Variants in HACD1 observed in about 807,000 individuals in gnomAD.
HACD1 encodes the protein very-long-chain (3R)-3-hydroxyacyl-CoA dehydratase 1.
Under a neutral mutation model 32.0 loss-of-function variants are expected in HACD1, and 41 were observed. The observed-to-expected ratio is 1.28, with a 90% confidence interval of 1.00 to 1.66. The LOEUF (loss-of-function observed/expected upper bound fraction) is 1.66, where lower values mean the gene tolerates loss of function less well. Among genes scored for constraint, HACD1 ranks in the 40% most tolerant of loss-of-function variants. The pLI is 0.00. For synonymous variants in HACD1, 142 were observed against 139.0 expected, an observed-to-expected ratio of 1.02 and a Z score of -0.15; for missense variants, 396 against 380.1, an observed-to-expected ratio of 1.04 and a Z score of -0.35.
At chr10:17,610,041 C>A (rs1429673228) in intron 1 of HACD1, among the ~76,000 whole-genome samples, 1 of 151,426 alleles carries the variant, frequency 6.6e-6, no homozygotes, top group African/African-American at 2.4e-5. Flanking sequence ...TATGACCCAG[C>A]CCCTCCACTC....
In HACD1 at chr10:17,591,976, A is replaced by ATTTTTTTTTTT. The variant is rs71393019; in HGVS notation, c.785-1541_785-1531dup. Among the ~76,000 whole-genome samples, 93 of 96,940 alleles carry ATTTTTTTTTTT rather than the reference A, an allele frequency of 9.6e-4. 14 individuals are homozygous for ATTTTTTTTTTT. Among genetic ancestry groups the ATTTTTTTTTTT allele is most frequent in the African/African-American group, 2.6e-3 (59 of 22,292 alleles). 63.6% of individuals were successfully genotyped at this position (96,940 alleles called of 152,430 possible). A position where few individuals can be genotyped will look rare whatever the true frequency, so the allele number is the denominator to read the frequency against. On this transcript the variant is annotated intron_variant, in intron 6 of 6. Transcript: ENST00000361271. ...CCCTGCCTTAACTCACCAGCTACTG[A>ATTTTTTTTTTT]TTTTTTTTTTTTTTTTTTTTTTTGA... is the stretch of plus-strand genomic sequence containing the variant.
intron 1 of HACD1, among the ~76,000 whole-genome samples, chr10:17,613,140 G>GTTT (rs1833017342): frequency 1.4e-4 from 15 of 108,858 alleles, no homozygotes; most frequent in Admixed American, 5.7e-4. Flanking sequence ...GTGTGTGTGT[G>GTTT]TGTGTGTTTT....
intron 1 of HACD1, among the ~76,000 whole-genome samples, chr10:17,609,783 C>T (rs1283526868): frequency 6.6e-6 from 1 of 151,796 alleles, no homozygotes. Context: ...GAGTTTGAGA[C>T]CAGGCTGGCC....
chr10:17,615,745 T>A (rs1554817944), intron 1 of HACD1: 2 of 381,622 alleles, frequency 5.2e-6, no homozygotes, highest in East Asian at 1.1e-4. Context: ...AGTGGGGGAA[T>A]CATTTGAGGT....
At chr10:17,606,137 G>T (rs782556953) in intron 1 of HACD1, among the ~76,000 whole-genome samples, 2 of 152,148 alleles carry the variant, frequency 1.3e-5, no homozygotes, top group Middle Eastern at 3.4e-3. Context: ...TTGTGCCACT[G>T]CAGTCCAGGC....
chr10:17,596,622 A>C (rs1554816032), intron 5 of HACD1, among the ~76,000 whole-genome samples: 2 of 151,984 alleles, frequency 1.3e-5, no homozygotes, highest in Non-Finnish European at 2.9e-5. Flanking sequence ...CTTTACTTGC[A>C]CTTCAAAAAG....
chr10:17,602,054 G>A (rs560498981), intron 4 of HACD1, among the ~76,000 whole-genome samples: 1 of 150,714 alleles, frequency 6.6e-6, no homozygotes, highest in East Asian at 1.9e-4. Flanking sequence ...CATAGGAAAT[G>A]TTCCTGTCAT....
Position 17,594,265 on chromosome 10 carries a change from A to G in HACD1, c.724T>C (p.Tyr242His). The change falls in exon 6 of 7, where the codon TAC becomes CAC. Residue 242 changes from tyrosine (Y) to histidine (H), a missense_variant. Transcript: ENST00000361271. ...GMFSIRLPNK[Y>H]NVSFDYYYFL... Reference sequence around the variant, plus strand: ...TAATAGTAGTCAAAAGAGACATTGTATTTGTTAGGAAGTCTTATTGAAAAC... The same window carrying G: ...TAATAGTAGTCAAAAGAGACATTGTGTTTGTTAGGAAGTCTTATTGAAAAC... 4 of 1,601,596 alleles carry G rather than the reference A, an allele frequency of 2.5e-6. No individual in the cohort carries two copies. Among genetic ancestry groups the G allele is most frequent in the Non-Finnish European group, 3.4e-6 (4 of 1,173,654 alleles).
At chr10:17,599,448 T>G in intron 4 of HACD1, 37 bp from the exon 5 acceptor site, 2 of 1,586,192 alleles carry the variant, frequency 1.3e-6, no homozygotes, top group Non-Finnish European at 8.6e-7. Flanking sequence ...TCATTCAACC[T>G]AGAACTTACT....
In HACD1 at chr10:17,590,423, T is replaced by A. The variant is rs1554815474; in HGVS notation, c.808A>T (p.Met270Leu). The change falls in exon 7 of 7, where the codon ATG (methionine) becomes TTG (leucine). Residue 270 changes from methionine to leucine, a missense_variant. Met to Leu is a conservative substitution (Grantham distance 15). Transcript: ENST00000361271. ...IPLFPQLYFH[M>L]LRQRRKVLHG... ...AGCACCTTTCTTCTTTGACGTAACATATGAAAATAGAGTTGTGGAAACACT... is the reference window on the plus strand; with the variant it reads ...AGCACCTTTCTTCTTTGACGTAACAAATGAAAATAGAGTTGTGGAAACACT... 1 of 1,598,050 alleles carries A rather than the reference T, an allele frequency of 6.3e-7. No homozygotes were observed. Among genetic ancestry groups the A allele is most frequent in the Admixed American group, 1.7e-5 (1 of 58,642 alleles).
intron 1 of HACD1, among the ~76,000 whole-genome samples, chr10:17,612,139 A>T (rs908201255): frequency 6.6e-6 from 1 of 151,758 alleles, no homozygotes; most frequent in African/African-American, 2.4e-5. Flanking sequence ...AACCCTAAAA[A>T]ATCCTTACAT....
At position 17,613,094 on chromosome 10, in the gene HACD1, T is replaced by TGG. The variant is rs1491289313; in HGVS notation, c.257+3987_257+3988dup. On this transcript the variant is annotated intron_variant, in intron 1 of 6. Transcript: ENST00000361271. Reference sequence around the variant, plus strand: ...AATACTATTCCGTTGCTTTGCAATTTGGGGTGTGTGTGTGTGTGTGTGTGT... The same window carrying TGG: ...AATACTATTCCGTTGCTTTGCAATTTGGGGGGTGTGTGTGTGTGTGTGTGTGT... Among the ~76,000 whole-genome samples, 12 of 130,574 alleles carry TGG rather than the reference T, an allele frequency of 9.2e-5. 1 individual carries two copies. The South Asian group carries it at 1.3e-3, about 14-fold the overall frequency. The allele number at this position is 130,574 out of a possible 152,430, so 85.7% of individuals were successfully genotyped here.
intron 4 of HACD1, 200 bp downstream of exon 4, chr10:17,603,360 T>C: frequency 2.0e-6 from 1 of 503,470 alleles, no homozygotes; most frequent in Non-Finnish European, 3.5e-6. Flanking sequence ...GGATCTAAGA[T>C]GCCAATATTT....
intron 6 of HACD1, among the ~76,000 whole-genome samples, chr10:17,590,797 G>A (rs45571331): frequency 0.15 from 22,480 of 151,938 alleles, 2,241 homozygotes; most frequent in Non-Finnish European, 0.22. Context: ...TCAGTCTCCC[G>A]AGTAGCTGAG....
At chr10:17,616,968 C>A (rs1026828064) in intron 1 of HACD1, 115 bp downstream of exon 1, 1 of 1,160,494 alleles carries the variant, frequency 8.6e-7, no homozygotes, top group East Asian at 3.4e-5. Flanking sequence ...CCTTCCCCCA[C>A]GGCCGCTGCC....
At chr10:17,600,948 G>T (rs1171583520) in intron 4 of HACD1, among the ~76,000 whole-genome samples, 3 of 152,056 alleles carry the variant, frequency 2.0e-5, no homozygotes, top group Non-Finnish European at 4.4e-5. Flanking sequence ...CACAGATGAG[G>T]TGCATGATTA....
In HACD1 at chr10:17,597,725, G is replaced by C. The variant is rs74117867; in HGVS notation, c.605+1565C>G. On this transcript the variant is annotated intron_variant, in intron 5 of 6. Coordinates refer to ENST00000361271, the MANE Select transcript of HACD1 (RefSeq NM_014241.4). ...GCGAAATGATATTGATGTGTTCTAGGATTAGAGTCCAGCTACATTCAAAAC... is the reference window on the plus strand; with the variant it reads ...GCGAAATGATATTGATGTGTTCTAGCATTAGAGTCCAGCTACATTCAAAAC... Among the ~76,000 whole-genome samples the C allele has an allele frequency of 5.6e-3, 851 of 151,910 alleles. 11 individuals are homozygous for C. The highest frequency in any genetic ancestry group is 0.019 in the African/African-American group (801 of 41,540).
At chr10:17,601,297 G>A (rs1448721208) in intron 4 of HACD1, among the ~76,000 whole-genome samples, 1 of 152,164 alleles carries the variant, frequency 6.6e-6, no homozygotes, top group Non-Finnish European at 1.5e-5. Context: ...GCCTCCCAAA[G>A]TGCTGGGATT....
In HACD1 at chr10:17,617,332, C is replaced by T. The variant is rs1554818299; in HGVS notation, c.8G>A (p.Arg3His). The change falls in exon 1 of 7, where the codon CGC becomes CAC. Residue 3 changes from arginine (R) to histidine (H), a missense_variant. Transcript: ENST00000361271. MGRLTEAAAAGSG... is the reference protein window; with the variant it reads MGHLTEAAAAGSG... ...GCCCGCTGCCGCCGCTTCCGTCAGG[C>T]GCCCCATGTGCAGCGCGCAGGGGGC... 2 of 1,429,808 alleles carry T rather than the reference C, an allele frequency of 1.4e-6. No individual in the cohort carries two copies. Among genetic ancestry groups the T allele is most frequent in the Admixed American group, 2.7e-5 (1 of 36,488 alleles). The allele number at this position is 1,429,808 out of a possible 1,614,324, so 88.6% of individuals were successfully genotyped here.
Sources: allele counts gnomAD v4.1 joint callset (sites outside exome capture counted in the v4.1 genomes callset), GRCh38; gene constraint gnomAD v4.1.1; transcripts MANE v1.5; gene names NCBI Gene and HGNC (gene_info 2026-07-23, HGNC 2026-07-21).